Variants in CSF3R observed in about 807,000 individuals in gnomAD.
CSF3R encodes granulocyte colony-stimulating factor receptor.
A neutral mutation model predicts 84.4 loss-of-function variants in CSF3R; 52 were observed. The ratio of observed to expected loss-of-function variants is 0.62; its 90% CI spans 0.49 to 0.78. The LOEUF (loss-of-function observed/expected upper bound fraction) is 0.78, where lower values mean the gene tolerates loss of function less well. CSF3R is among the 30% of genes least tolerant of loss of function. The probability of loss-of-function intolerance (pLI) is 0.00; values close to 1 mark genes in which losing one functional copy is unlikely to be tolerated. For missense variants in CSF3R, 890 were observed against 1,055.7 expected, an observed-to-expected ratio of 0.84 and a Z score of 2.17; for synonymous variants, 384 against 429.1, an observed-to-expected ratio of 0.89 and a Z score of 1.30.
rs1294157062 is a variant in CSF3R at position 36,470,326 on chromosome 1, A to G, written c.1286-486T>C. On this transcript the variant is annotated intron_variant, in intron 10 of 16. Coordinates refer to ENST00000373106, the MANE Select transcript of CSF3R (RefSeq NM_000760.4). ...CAGCCTCCCGACTAGCTGGGATTAC[A>G]GGCAACCGCCACCATGCCCGGCTAA... Among the ~76,000 whole-genome samples the G allele has an allele frequency of 2.0e-5, 3 of 152,288 alleles. No individual in the cohort carries two copies. The East Asian group carries it at 5.8e-4, about 29-fold the overall frequency.
chr1:36,477,979 C>T (rs944216129), intron 3 of CSF3R, among the ~76,000 whole-genome samples: 1 of 151,698 alleles, frequency 6.6e-6, no homozygotes, highest in Admixed American at 6.6e-5. Context: ...AGGATGGTCT[C>T]GATCTCCTGA....
At chr1:36,482,501 C>T (rs1010193730) in intron 1 of CSF3R, among the ~76,000 whole-genome samples, 1 of 152,138 alleles carries the variant, frequency 6.6e-6, no homozygotes, top group Non-Finnish European at 1.5e-5. Context: ...CTGGAACTCA[C>T]AGACACACAC....
At chr1:36,479,411 C>A (rs1651380259) in intron 3 of CSF3R, 22 bp downstream of exon 3, 1 of 1,613,242 alleles carries the variant, frequency 6.2e-7, no homozygotes, top group Non-Finnish European at 8.5e-7. Context: ...CCCACTGCAC[C>A]CTCATCCTTG....
intron 12 of CSF3R, 140 bp downstream of exon 12, chr1:36,469,016 G>C (rs1038228648): frequency 2.0e-5 from 14 of 702,724 alleles, no homozygotes; most frequent in Non-Finnish European, 3.6e-5. Flanking sequence ...GTGTAAGCCA[G>C]GGGATTGGGA....
At position 36,475,756 on chromosome 1, in the gene CSF3R, T is replaced by G. The variant is rs538801915; in HGVS notation, c.65-83A>C. 25 of 1,336,718 alleles carry G rather than the reference T, an allele frequency of 1.9e-5. No homozygotes were observed. In the African/African-American group the frequency reaches 3.1e-4, roughly 16 times the overall value. 82.8% of individuals were successfully genotyped at this position (1,336,718 alleles called of 1,614,324 possible). On this transcript the variant is annotated intron_variant, in intron 3 of 16. Coordinates refer to ENST00000373106, the MANE Select transcript of CSF3R (RefSeq NM_000760.4). The stretch of plus-strand genomic sequence containing the variant: ...AATCTAGGCCTTTGTACTCCTAGAC[T>G]CAGAGGCCTCACCTTCCTGTCTCAC...
intron 9 of CSF3R, 135 bp downstream of exon 9, chr1:36,471,931 G>T: frequency 1.1e-6 from 1 of 897,866 alleles, no homozygotes; most frequent in Non-Finnish European, 1.8e-6. Flanking sequence ...CTAGGCACAT[G>T]CAAAGTGCAT....
At position 36,481,518 on chromosome 1, in the gene CSF3R, C is replaced by A. The variant is rs1651520242; in HGVS notation, c.-61G>T. 1 of 152,236 alleles carries A rather than the reference C, an allele frequency of 6.6e-6. No homozygotes were observed. Among genetic ancestry groups the A allele is most frequent in the South Asian group, 2.1e-4 (1 of 4,844 alleles). 9.4% of individuals were successfully genotyped at this position (152,236 alleles called of 1,614,324 possible). On this transcript the variant is annotated 5_prime_UTR_variant, in exon 2 of 17. Transcript: ENST00000373106. ...GGACAAGTTACTTCACCTTTCCGAG[C>A]CGAGCCTCAGTTTCCCCATCTGTGG...
intron 2 of CSF3R, among the ~76,000 whole-genome samples, chr1:36,480,999 G>A (rs1338343489): frequency 1.3e-5 from 2 of 152,154 alleles, no homozygotes; most frequent in South Asian, 2.1e-4. Flanking sequence ...CAAGTATCCC[G>A]AGCATCTGTC....
rs1047890635 is a variant in CSF3R, at chr1:36,481,507, A to G, written c.-50T>C. On this transcript the variant is annotated 5_prime_UTR_variant, in exon 2 of 17. The change abolishes the stop of an existing upstream ORF in the 5' untranslated region. Transcript: ENST00000373106. ...TTTGTGATCTTGGACAAGTTACTTCACCTTTCCGAGCCGAGCCTCAGTTTC... is the reference window on the plus strand; with the variant it reads ...TTTGTGATCTTGGACAAGTTACTTCGCCTTTCCGAGCCGAGCCTCAGTTTC... 6.6e-6 allele frequency: 1 copy of G among 151,952 alleles called. No homozygotes were observed. Among genetic ancestry groups the G allele is most frequent in the Non-Finnish European group, 1.5e-5 (1 of 67,998 alleles). 9.4% of individuals were successfully genotyped at this position (151,952 alleles called of 1,614,324 possible). A position where few individuals can be genotyped will look rare whatever the true frequency, so the allele number is the denominator to read the frequency against.
chr1:36,473,954 A>T, intron 4 of CSF3R, 67 bp from the exon 5 acceptor site: 1 of 1,610,458 alleles, frequency 6.2e-7, no homozygotes. Flanking sequence ...CTCTGGGACC[A>T]GCTGGCCCTG....
Position 36,466,283 on chromosome 1 carries a change from T to A in CSF3R, c.*74A>T, listed in dbSNP as rs563278395. 4 of 1,611,808 alleles carry A rather than the reference T, an allele frequency of 2.5e-6. No individual in the cohort carries two copies. In the South Asian group the frequency reaches 4.4e-5, roughly 18 times the overall value. On this transcript the variant is annotated 3_prime_UTR_variant, in exon 17 of 17. Coordinates refer to ENST00000373106, the MANE Select transcript of CSF3R (RefSeq NM_000760.4). The surrounding 1 kb of genome is among the most constrained non-coding windows in gnomAD (Gnocchi z 4.6). ...CTGGGGTAGTTTTTAGTCATGGGCTTATGGACCCTCCCCTCTTCTCCAGCT... is the reference window on the plus strand; with the variant it reads ...CTGGGGTAGTTTTTAGTCATGGGCTAATGGACCCTCCCCTCTTCTCCAGCT...
In CSF3R at chr1:36,472,219, C is replaced by T; in HGVS notation, c.997+19G>A. On this transcript the variant is annotated intron_variant, in intron 8 of 16. Coordinates refer to ENST00000373106, the MANE Select transcript of CSF3R (RefSeq NM_000760.4). This position sits in a 1 kb window ranked among gnomAD's most constrained non-coding sequence, Gnocchi z 5.0. ...ACTGGATACTGTTGGCTGCTCCCAG[C>T]CTCTCATCACCTCCTTACCCCGTTC... 2.5e-6 allele frequency: 4 copies of T among 1,614,166 alleles called. No homozygotes were observed. Among genetic ancestry groups the T allele is most frequent in the Non-Finnish European group, 3.4e-6 (4 of 1,180,032 alleles).
rs1650280509 is a variant in CSF3R, at chr1:36,466,059, T to G, written c.*298A>C. ...AGACTCAGGTACACCCAAGAGTGTC[T>G]ATAAACAACAACAAAAACTGCAAAC... On this transcript the variant is annotated 3_prime_UTR_variant, in exon 17 of 17. Transcript: ENST00000373106. The surrounding 1 kb of genome is among the most constrained non-coding windows in gnomAD (Gnocchi z 4.6). 1.2e-6 allele frequency: 2 copies of G among 1,613,896 alleles called. No individual in the cohort carries two copies. Among genetic ancestry groups the G allele is most frequent in the South Asian group, 1.1e-5 (1 of 90,982 alleles).
intron 3 of CSF3R, among the ~76,000 whole-genome samples, chr1:36,476,739 C>G (rs747985134): frequency 1.1e-4 from 17 of 151,988 alleles, no homozygotes; most frequent in Non-Finnish European, 1.5e-4. Context: ...CGGCTCAGTG[C>G]ACCCTTGACC....
intron 3 of CSF3R, among the ~76,000 whole-genome samples, chr1:36,478,749 G>A (rs1159611833): frequency 6.6e-6 from 1 of 151,980 alleles, no homozygotes; most frequent in East Asian, 1.9e-4. Flanking sequence ...TACCTTGGAG[G>A]CTGAGGCGGG....
chr1:36,471,852 G>C, intron 9 of CSF3R: 1 of 682,614 alleles, frequency 1.5e-6, no homozygotes, highest in Non-Finnish European at 2.5e-6. Context: ...GGACACAGCA[G>C]GCTCTTAACT....
At chr1:36,479,222 G>T in intron 3 of CSF3R, 1 of 640,398 alleles carries the variant, frequency 1.6e-6, no homozygotes, top group Non-Finnish European at 2.9e-6. Flanking sequence ...AGGATGACCA[G>T]CCCGGGTCGT....
rs763356452 is a variant in CSF3R, at chr1:36,471,623, G to A, written c.1095C>T (p.Ser365=). 2 of 1,614,088 alleles carry A rather than the reference G, an allele frequency of 1.2e-6. No homozygotes were observed. Among genetic ancestry groups the A allele is most frequent in the African/African-American group, 1.3e-5 (1 of 74,942 alleles). ...AAACCACATAACCTTGGATCCGTCC[G>A]CTGTCTTCCTCCAGGGGCACTGGCT... ...FWKPVPLEED[S]GRIQGYVVSW... Residue 365 remains serine, a synonymous_variant, in exon 10 of 17, where the codon AGC becomes AGT. Coordinates refer to ENST00000373106, the MANE Select transcript of CSF3R (RefSeq NM_000760.4).
At chr1:36,471,366 C>T (rs1281081954) in intron 10 of CSF3R, 67 bp downstream of exon 10, 1 of 1,493,716 alleles carries the variant, frequency 6.7e-7, no homozygotes, top group African/African-American at 1.4e-5. Context: ...AGATTTAACC[C>T]AGGCAGTCTA....
Sources: gnomAD v4.1 joint callset for allele counts (sites outside exome capture counted in the v4.1 genomes callset) on GRCh38, gnomAD v4.1.1 for gene constraint, Gnocchi (gnomAD v3.1) non-coding constraint, MANE v1.5 for transcripts, NCBI Gene and HGNC (gene_info 2026-07-23, HGNC 2026-07-21) for gene names.